TULP4: variants seen among roughly 807,000 people sequenced by gnomAD.
TULP4 encodes TUB like protein 4, also known as tubby-related protein 4.
In TULP4, 16 loss-of-function variants were observed where a neutral mutation model predicts 129.0. The observed-to-expected ratio is 0.12, with a 90% CI of 0.08 to 0.19. The LOEUF (loss-of-function observed/expected upper bound fraction) is 0.19. TULP4 is among the 10% of genes least tolerant of loss of function. The pLI, the probability that TULP4 is intolerant of heterozygous loss-of-function variation, is 1.00. For synonymous variants in TULP4, 998 were observed against 854.0 expected (o/e 1.17, Z -2.94); for missense variants, 1,842 against 2,059.1 (o/e 0.89, Z 2.04).
At chr6:158,455,230 G>A (rs1360457327) in intron 5 of TULP4, among the ~76,000 whole-genome samples, 1 of 63,646 alleles carries the variant, frequency 1.6e-5, no homozygotes, top group Non-Finnish European at 2.9e-5. Flanking sequence ...GCCCGCCACC[G>A]CGCCCGGCTA....
chr6:158,324,614 G>C (rs1355029252), intron 1 of TULP4, among the ~76,000 whole-genome samples: 3 of 152,180 alleles, frequency 2.0e-5, no homozygotes, highest in Non-Finnish European at 4.4e-5. Flanking sequence ...TGTTTGCATG[G>C]ATATAATGTT....
rs1316974737 is a variant in TULP4, at chr6:158,503,833, A to G, written c.4170A>G (p.Gln1390=). The G allele has an allele frequency of 1.2e-6, 2 of 1,614,026 alleles. No homozygotes were observed. Among genetic ancestry groups the G allele is most frequent in the Non-Finnish European group, 1.7e-6 (2 of 1,180,042 alleles). ...EKKKVKSQKD[Q]LKSKKLNKTN... ...AGAAAGTGAAGAGTCAGAAAGACCA[A>G]CTGAAGTCAAAGAAGTTGAATAAGA... The change falls in exon 13 of 14, where the codon CAA becomes CAG. Residue 1390 remains glutamine (Q), a synonymous_variant. Coordinates refer to ENST00000367097, the MANE Select transcript of TULP4 (RefSeq NM_020245.5). This position sits in a 1 kb window ranked among gnomAD's most constrained non-coding sequence, Gnocchi z 4.3.
At chr6:158,237,913 T>A (rs1457858054) in intron 1 of TULP4, 3 of 730,850 alleles carry the variant, frequency 4.1e-6, no homozygotes, top group East Asian at 2.6e-5. Flanking sequence ...TTTTGGATTT[T>A]GTTTCCATAG....
intron 1 of TULP4, among the ~76,000 whole-genome samples, chr6:158,397,621 A>G (rs1386228533): frequency 3.9e-5 from 6 of 152,024 alleles, no homozygotes. Context: ...GCCCAAGACA[A>G]TTCTTCTTCC....
chr6:158,490,471 C>A lies in TULP4; in HGVS notation c.1631+739C>A, dbSNP rs575027161. Among the ~76,000 whole-genome samples the A allele has an allele frequency of 4.9e-4, 74 of 152,290 alleles. 1 individual carries two copies. Among genetic ancestry groups the A allele is most frequent in the African/African-American group, 1.8e-3 (73 of 41,560 alleles). On this transcript the variant is annotated intron_variant, in intron 9 of 13. Coordinates refer to ENST00000367097, the MANE Select transcript of TULP4 (RefSeq NM_020245.5). ...TCAACACATCGCATCCACTGTAGAA[C>A]CTTTTTCTTCACTAAGATTTCTAGT...
At chr6:158,327,376 T>G (rs1252832056) in intron 1 of TULP4, among the ~76,000 whole-genome samples, 1 of 152,228 alleles carries the variant, frequency 6.6e-6, no homozygotes, top group Non-Finnish European at 1.5e-5. Context: ...TTTTGGTTGT[T>G]GTTGCTTTAA....
chr6:158,509,130 T>G lies in TULP4; in HGVS notation c.*2436T>G, dbSNP rs1780673969. The G allele has an allele frequency of 6.6e-6, 1 of 152,004 alleles. No individual in the cohort carries two copies. Among genetic ancestry groups the G allele is most frequent in the Non-Finnish European group, 1.5e-5 (1 of 67,984 alleles). The allele number at this position is 152,004 out of a possible 1,614,324, so 9.4% of individuals were successfully genotyped here. ...GTCTTGAACTCCTGACCTCAGGTGA[T>G]CCGCCCGCCTCGGCCTCCCAAAGTG... On this transcript the variant is annotated 3_prime_UTR_variant, in exon 14 of 14. Coordinates refer to ENST00000367097, the MANE Select transcript of TULP4 (RefSeq NM_020245.5).
intron 1 of TULP4, among the ~76,000 whole-genome samples, chr6:158,365,336 A>G (rs1780907725): frequency 6.7e-6 from 1 of 148,204 alleles, no homozygotes; most frequent in South Asian, 2.1e-4. Flanking sequence ...CTGACCATAT[A>G]TTTCATTTTC....
intron 1 of TULP4, among the ~76,000 whole-genome samples, chr6:158,257,372 T>C (rs1454441462): frequency 4.6e-5 from 7 of 152,232 alleles, no homozygotes; most frequent in Admixed American, 4.6e-4. Flanking sequence ...GAATTCAGTC[T>C]GTCTCAAACT....
intron 1 of TULP4, among the ~76,000 whole-genome samples, chr6:158,269,110 A>T (rs967087613): frequency 2.6e-5 from 4 of 152,184 alleles, no homozygotes; most frequent in African/African-American, 9.7e-5. Context: ...ATTTTTTTCT[A>T]GAAATTCTCG....
intron 1 of TULP4, among the ~76,000 whole-genome samples, chr6:158,259,018 T>G (rs1390937621): frequency 6.6e-6 from 1 of 152,024 alleles, no homozygotes. Context: ...TCACCTGAGG[T>G]CAGGAGTTCG....
intron 1 of TULP4, among the ~76,000 whole-genome samples, chr6:158,328,654 C>G (rs1779803555): frequency 1.3e-5 from 2 of 152,214 alleles, no homozygotes; most frequent in South Asian, 4.1e-4. Context: ...GAGGTTAGTA[C>G]AGGTGGGAGG....
chr6:158,371,271 CGGA>C (rs1362446789), intron 1 of TULP4, among the ~76,000 whole-genome samples: 1 of 152,182 alleles, frequency 6.6e-6, no homozygotes, highest in Non-Finnish European at 1.5e-5. Context: ...AAAGCCCACA[CGGA>C]GGAGAACTGG....
At chr6:158,306,302 C>G (rs1221333355) in intron 1 of TULP4, among the ~76,000 whole-genome samples, 1 of 152,172 alleles carries the variant, frequency 6.6e-6, no homozygotes, top group Non-Finnish European at 1.5e-5. Flanking sequence ...TGCCTTTAAT[C>G]CCAGTACTTT....
At chr6:158,290,940 C>A (rs1403839814) in intron 1 of TULP4, among the ~76,000 whole-genome samples, 1 of 152,220 alleles carries the variant, frequency 6.6e-6, no homozygotes, top group Non-Finnish European at 1.5e-5. Context: ...TTTAACCTGC[C>A]TGTGCCTCAA....
chr6:158,410,772 A>C (rs1482584800), intron 1 of TULP4, among the ~76,000 whole-genome samples: 1 of 150,806 alleles, frequency 6.6e-6, no homozygotes, highest in Non-Finnish European at 1.5e-5. Context: ...GGTCTAACTT[A>C]AAAAAAAATC....
chr6:158,428,824 C>A (rs1778560572), intron 2 of TULP4, among the ~76,000 whole-genome samples: 1 of 152,186 alleles, frequency 6.6e-6, no homozygotes, highest in Non-Finnish European at 1.5e-5. Flanking sequence ...TTTCCTGTTT[C>A]TGTCTCTTGC....
chr6:158,366,533 TC>T (rs1780968505), intron 1 of TULP4, among the ~76,000 whole-genome samples: 1 of 152,222 alleles, frequency 6.6e-6, no homozygotes, highest in Admixed American at 6.5e-5. Context: ...CACAGTGGTT[TC>T]GTGCTGCGTC....
At chr6:158,279,572 G>A (rs147109767), upstream of TULP4, among the ~76,000 whole-genome samples, 300 of 152,158 alleles carry the variant, frequency 2.0e-3, 2 homozygotes, top group Non-Finnish European at 3.2e-3. Context: ...GGCTTACATC[G>A]TACAAAAATT....
Sources: allele counts gnomAD v4.1 joint callset (sites outside exome capture counted in the v4.1 genomes callset), GRCh38; gene constraint gnomAD v4.1.1; non-coding constraint Gnocchi (gnomAD v3.1); transcripts MANE v1.5; gene names NCBI Gene and HGNC (gene_info 2026-07-23, HGNC 2026-07-21).